ATRNL1: variants seen among roughly 807,000 people sequenced by gnomAD.
ATRNL1 encodes attractin-like protein 1.
Under a neutral mutation model 182.7 loss-of-function variants are expected in ATRNL1, and 95 were observed. That is an observed-to-expected ratio of 0.52 (90% CI 0.44 to 0.62). ATRNL1 has a LOEUF of 0.62. Ranked by LOEUF, ATRNL1 falls within the 20% of genes least tolerant of loss-of-function variation. The pLI is 0.00. For synonymous variants in ATRNL1, 576 were observed against 568.3 expected (o/e 1.01, Z -0.19); for missense variants, 1,471 against 1,679.5 (o/e 0.88, Z 2.17).
At chr10:115,374,588 A>C (rs1165720133) in intron 19 of ATRNL1, among the ~76,000 whole-genome samples, 3 of 147,500 alleles carry the variant, frequency 2.0e-5, no homozygotes, top group African/African-American at 7.5e-5. Flanking sequence ...TGTTTATTTG[A>C]GAACGTTCTT....
chr10:115,489,559 TTTTGCTTTCCA>T (rs1319269708), intron 24 of ATRNL1, among the ~76,000 whole-genome samples: 2 of 152,182 alleles, frequency 1.3e-5, no homozygotes, highest in Non-Finnish European at 2.9e-5. Context: ...TCTGCCCCTT[TTTTGCTTTCCA>T]TTTGCTTGGT....
intron 26 of ATRNL1, among the ~76,000 whole-genome samples, chr10:115,556,729 T>C (rs1853334828): frequency 6.6e-6 from 1 of 151,922 alleles, no homozygotes; most frequent in Admixed American, 6.6e-5. Context: ...TGATATGTAA[T>C]ATAAAGAATG....
At chr10:115,221,562 G>T (rs1477689881) in intron 9 of ATRNL1, among the ~76,000 whole-genome samples, 1 of 152,138 alleles carries the variant, frequency 6.6e-6, no homozygotes, top group African/African-American at 2.4e-5. Context: ...ATTTGTCAGA[G>T]ATTTAGGAGA....
intron 8 of ATRNL1, among the ~76,000 whole-genome samples, chr10:115,182,279 G>A (rs1847777966): frequency 6.6e-6 from 1 of 151,398 alleles, no homozygotes; most frequent in Non-Finnish European, 1.5e-5. Context: ...GGTATACTGA[G>A]GATTAAAACT....
intron 18 of ATRNL1, among the ~76,000 whole-genome samples, chr10:115,325,498 C>A (rs868945087): frequency 6.6e-6 from 1 of 152,150 alleles, no homozygotes; most frequent in Non-Finnish European, 1.5e-5. Context: ...TAAGGTGTGA[C>A]AATTACCAGA....
chr10:115,921,569 G>A (rs1268624619), intron 28 of ATRNL1, among the ~76,000 whole-genome samples: 2 of 152,136 alleles, frequency 1.3e-5, no homozygotes, highest in Non-Finnish European at 2.9e-5. Flanking sequence ...GGTTTTCACT[G>A]TATGATAGTT....
At chr10:115,598,350 A>ATTTATTTATTTAT (rs60852354) in intron 26 of ATRNL1, among the ~76,000 whole-genome samples, 46,277 of 145,752 alleles carry the variant, frequency 0.32, 8,383 homozygotes, top group Non-Finnish European at 0.41. Flanking sequence ...ATTTAAAAAA[A>ATTTATTTATTTAT]TTATTTATTT....
At chr10:115,605,984 A>G (rs1203719689) in intron 26 of ATRNL1, among the ~76,000 whole-genome samples, 1 of 152,026 alleles carries the variant, frequency 6.6e-6, no homozygotes, top group African/African-American at 2.4e-5. Context: ...TGCATGCATA[A>G]TGAACAAAAA....
intron 26 of ATRNL1, among the ~76,000 whole-genome samples, chr10:115,581,934 C>T (rs1855120602): frequency 1.4e-5 from 2 of 139,326 alleles, no homozygotes; most frequent in African/African-American, 5.4e-5. Flanking sequence ...GTGATGTTCC[C>T]CTTCCTGTGT....
intron 1 of ATRNL1, among the ~76,000 whole-genome samples, chr10:115,102,306 T>C (rs935057797): frequency 6.6e-6 from 1 of 152,140 alleles, no homozygotes; most frequent in African/African-American, 2.4e-5. Flanking sequence ...TTATTGAAAG[T>C]TAATTGGACG....
At chr10:115,770,287 A>G (rs377340410) in intron 27 of ATRNL1, among the ~76,000 whole-genome samples, 1 of 152,150 alleles carries the variant, frequency 6.6e-6, no homozygotes, top group Non-Finnish European at 1.5e-5. Flanking sequence ...TTCAGCTTCA[A>G]AATGATTCTA....
In ATRNL1 at chr10:115,389,540, G is replaced by GTATA. The variant is rs58155967; in HGVS notation, c.3176-5071_3176-5068dup. ...CTGAATAGTATTCAAATGTGTATGTGTATATATATATATATATATATATAT... is the reference window on the plus strand; with the variant it reads ...CTGAATAGTATTCAAATGTGTATGTGTATATATATATATATATATATATATATAT... On this transcript the variant is annotated intron_variant, in intron 19 of 28. Coordinates refer to ENST00000355044, the MANE Select transcript of ATRNL1 (RefSeq NM_207303.4). 5.1e-3 allele frequency among the ~76,000 whole-genome samples: 228 copies of GTATA among 44,478 alleles called. 36 individuals are homozygous for GTATA. The highest frequency in any genetic ancestry group is 8.5e-3 in the Non-Finnish European group (201 of 23,658). The allele number at this position is 44,478 out of a possible 152,430, so 29.2% of individuals were successfully genotyped here.
chr10:115,500,965 G>A (rs1156633898), intron 24 of ATRNL1, among the ~76,000 whole-genome samples: 2 of 87,960 alleles, frequency 2.3e-5, no homozygotes, highest in Admixed American at 1.8e-4. Context: ...TTTCGTTCTT[G>A]TCGCCCAGGC....
At chr10:115,655,515 T>C (rs1463471929) in intron 26 of ATRNL1, among the ~76,000 whole-genome samples, 1 of 152,174 alleles carries the variant, frequency 6.6e-6, no homozygotes, top group Admixed American at 6.5e-5. Flanking sequence ...GATGATCATC[T>C]CATTCTGTGA....
intron 25 of ATRNL1, among the ~76,000 whole-genome samples, chr10:115,538,276 G>C (rs1353521385): frequency 6.6e-6 from 1 of 152,190 alleles, no homozygotes; most frequent in Non-Finnish European, 1.5e-5. Flanking sequence ...AGCTGCCACT[G>C]TTTTTCAGAG....
chr10:115,676,375 T>A (rs2133939787), intron 26 of ATRNL1, among the ~76,000 whole-genome samples: 1 of 152,170 alleles, frequency 6.6e-6, no homozygotes, highest in South Asian at 2.1e-4. Context: ...TATTCAGCAA[T>A]ACCTTGGCAT....
At chr10:115,901,865 T>C (rs960627709) in intron 28 of ATRNL1, among the ~76,000 whole-genome samples, 1 of 152,026 alleles carries the variant, frequency 6.6e-6, no homozygotes, top group Non-Finnish European at 1.5e-5. Flanking sequence ...AAATGCCCTC[T>C]ATCCCCTCAG....
intron 26 of ATRNL1, among the ~76,000 whole-genome samples, chr10:115,624,837 C>T (rs1857988488): frequency 6.6e-6 from 1 of 152,130 alleles, no homozygotes; most frequent in South Asian, 2.1e-4. Flanking sequence ...ATAACTTCTA[C>T]TCGTCTTTAC....
chr10:115,588,812 T>C (rs184204223), intron 26 of ATRNL1, among the ~76,000 whole-genome samples: 150 of 152,334 alleles, frequency 9.8e-4, no homozygotes, highest in African/African-American at 3.3e-3. Context: ...TTAGTGCATC[T>C]ATGGAAGGAG....
Sources: gnomAD v4.1 joint callset for allele counts (sites outside exome capture counted in the v4.1 genomes callset) on GRCh38, gnomAD v4.1.1 for gene constraint, MANE v1.5 for transcripts, NCBI Gene and HGNC (gene_info 2026-07-23, HGNC 2026-07-21) for gene names.